Variants in SLC25A21 observed in about 807,000 individuals in gnomAD.
SLC25A21 encodes solute carrier family 25 member 21.
SLC25A21 carries 47 observed loss-of-function variants against 43.8 expected under a neutral mutation model. The ratio of observed to expected loss-of-function variants is 1.07; its 90% CI spans 0.85 to 1.37. The LOEUF (loss-of-function observed/expected upper bound fraction) is 1.37, where lower values mean the gene tolerates loss of function less well. Ranked by LOEUF, SLC25A21 falls within the 40% of genes most tolerant of loss-of-function variation. The pLI, the probability that SLC25A21 is intolerant of heterozygous loss-of-function variation, is 0.00. For missense variants in SLC25A21, 352 were observed against 350.2 expected (o/e 1.00, Z -0.04); for synonymous variants, 131 against 121.3 (o/e 1.08, Z -0.52).
chr14:37,005,206 GCACA>G (rs376479609), intron 1 of SLC25A21, among the ~76,000 whole-genome samples: 1 of 150,506 alleles, frequency 6.6e-6, no homozygotes, highest in African/African-American at 2.4e-5. Flanking sequence ...ACATGCAAAT[GCACA>G]CACACACACA....
chr14:36,949,097 T>A (rs907422274), intron 1 of SLC25A21, among the ~76,000 whole-genome samples: 1 of 152,158 alleles, frequency 6.6e-6, no homozygotes, highest in Admixed American at 6.5e-5. Context: ...AGAATTAGAA[T>A]TGGATTCTCT....
intron 1 of SLC25A21, among the ~76,000 whole-genome samples, chr14:37,117,453 T>C (rs1251369536): frequency 1.3e-5 from 2 of 152,224 alleles, no homozygotes; most frequent in African/African-American, 4.8e-5. Flanking sequence ...AAACATACTT[T>C]TGCATTTTAG....
At chr14:37,105,432 A>T (rs545129607) in intron 1 of SLC25A21, among the ~76,000 whole-genome samples, 2 of 152,270 alleles carry the variant, frequency 1.3e-5, no homozygotes, top group East Asian at 3.9e-4. Context: ...TGAATACAAA[A>T]CAGAAGCCTA....
chr14:37,060,745 AAAC>A (rs1334035184), intron 1 of SLC25A21, among the ~76,000 whole-genome samples: 5 of 152,156 alleles, frequency 3.3e-5, no homozygotes, highest in Admixed American at 1.3e-4. Flanking sequence ...TAGAAAACAA[AAAC>A]AACTACATGG....
chr14:36,762,887 G>A (rs144901948), intron 3 of SLC25A21, among the ~76,000 whole-genome samples: 2 of 152,236 alleles, frequency 1.3e-5, no homozygotes, highest in East Asian at 1.9e-4. Context: ...TTAAGAATAC[G>A]TCATTATCTT....
intron 6 of SLC25A21, among the ~76,000 whole-genome samples, chr14:36,724,254 G>A (rs1445059890): frequency 6.6e-6 from 1 of 152,178 alleles, no homozygotes; most frequent in Non-Finnish European, 1.5e-5. Flanking sequence ...CTTCATCTGA[G>A]TAGATACCAT....
intron 1 of SLC25A21, among the ~76,000 whole-genome samples, chr14:36,974,799 T>G (rs1201143717): frequency 6.6e-6 from 1 of 152,086 alleles, no homozygotes; most frequent in Non-Finnish European, 1.5e-5. Context: ...TACAAAAAAT[T>G]CATCCAGAGC....
chr14:37,170,811 ATGG>A (rs1964111430), intron 1 of SLC25A21, among the ~76,000 whole-genome samples: 1 of 151,352 alleles, frequency 6.6e-6, no homozygotes. Context: ...CTAGCCGGGC[ATGG>A]TGGTGGGCTC....
At position 37,020,353 on chromosome 14, in the gene SLC25A21, T is replaced by C. The variant is rs74243652; in HGVS notation, c.71-145349A>G. ...AAATAAGTCATTAGATTGAGAAGCTTAATGACTTGCAAAATACATGAAACT... is the reference window on the plus strand; with the variant it reads ...AAATAAGTCATTAGATTGAGAAGCTCAATGACTTGCAAAATACATGAAACT... On this transcript the variant is annotated intron_variant, in intron 1 of 9. Coordinates refer to ENST00000331299, the MANE Select transcript of SLC25A21 (RefSeq NM_030631.4). 0.016 allele frequency among the ~76,000 whole-genome samples: 2,407 copies of C among 151,872 alleles called. 173 individuals carry two copies. In the East Asian group the frequency reaches 0.25, roughly 16 times the overall value.
intron 1 of SLC25A21, among the ~76,000 whole-genome samples, chr14:36,984,352 AGTT>A (rs1370000345): frequency 6.6e-6 from 1 of 152,160 alleles, no homozygotes; most frequent in African/African-American, 2.4e-5. Context: ...AGTATGAAAT[AGTT>A]TGCCCCCAAA....
At chr14:37,152,620 G>A (rs1025054429) in intron 1 of SLC25A21, among the ~76,000 whole-genome samples, 2 of 152,070 alleles carry the variant, frequency 1.3e-5, no homozygotes, top group African/African-American at 4.8e-5. Flanking sequence ...ACACAGTTCT[G>A]GAAGTCACCT....
intron 2 of SLC25A21, among the ~76,000 whole-genome samples, chr14:36,816,713 A>C (rs1888469092): frequency 6.6e-6 from 1 of 151,990 alleles, no homozygotes; most frequent in Non-Finnish European, 1.5e-5. Flanking sequence ...CTTCTTGCCC[A>C]GGCTGGTATG....
At chr14:36,826,416 T>G (rs142568902) in intron 2 of SLC25A21, among the ~76,000 whole-genome samples, 2 of 152,192 alleles carry the variant, frequency 1.3e-5, no homozygotes, top group African/African-American at 2.4e-5. Flanking sequence ...CTTTTTCCTA[T>G]GCAGTGAGGT....
chr14:36,826,809 AT>A (rs1475517942), intron 2 of SLC25A21, among the ~76,000 whole-genome samples: 1 of 152,052 alleles, frequency 6.6e-6, no homozygotes, highest in African/African-American at 2.4e-5. Flanking sequence ...TACGGCCTCC[AT>A]TTTCCTGTAG....
At chr14:36,999,925 C>T (rs77113122) in intron 1 of SLC25A21, among the ~76,000 whole-genome samples, 3,796 of 152,210 alleles carry the variant, frequency 0.025, 91 homozygotes, top group East Asian at 0.092. Flanking sequence ...TTTGTGTCAT[C>T]CCCAACAAAC....
chr14:36,753,143 T>A (rs1279444607), intron 3 of SLC25A21, among the ~76,000 whole-genome samples: 2 of 152,094 alleles, frequency 1.3e-5, no homozygotes, highest in Non-Finnish European at 2.9e-5. Flanking sequence ...TGGAGGTGAA[T>A]GACGGTGATG....
intron 1 of SLC25A21, among the ~76,000 whole-genome samples, chr14:36,885,232 T>C (rs533280044): frequency 6.6e-6 from 1 of 152,336 alleles, no homozygotes; most frequent in African/African-American, 2.4e-5. Flanking sequence ...GCTTTTTCCA[T>C]TGTATGTTCC....
At chr14:37,073,322 A>C (rs1385768771) in intron 1 of SLC25A21, among the ~76,000 whole-genome samples, 2 of 152,228 alleles carry the variant, frequency 1.3e-5, no homozygotes, top group Non-Finnish European at 2.9e-5. Flanking sequence ...TATATAAGTA[A>C]CTGACTCTAA....
intron 1 of SLC25A21, among the ~76,000 whole-genome samples, chr14:36,903,412 G>C (rs564021842): frequency 6.6e-6 from 1 of 151,938 alleles, no homozygotes; most frequent in Non-Finnish European, 1.5e-5. Context: ...AGGAGTTCGA[G>C]ACCAGCCTGG....
Sources: allele counts gnomAD v4.1 joint callset (sites outside exome capture counted in the v4.1 genomes callset), GRCh38; gene constraint gnomAD v4.1.1; transcripts MANE v1.5; gene names NCBI Gene and HGNC (gene_info 2026-07-23, HGNC 2026-07-21).